Variants in FHL2 observed in about 807,000 individuals in gnomAD.
FHL2 encodes the protein four and a half LIM domains 2, also known as four and a half LIM domains protein 2.
A neutral mutation model predicts 32.7 loss-of-function variants in FHL2; 20 were observed. The ratio of observed to expected loss-of-function variants is 0.61; its 90% confidence interval spans 0.43 to 0.89. The LOEUF is 0.89. Among genes scored for constraint, FHL2 ranks in the 40% least tolerant of loss-of-function variants. FHL2 has a pLI of 0.00. For synonymous variants in FHL2, 123 were observed against 128.1 expected (o/e 0.96, Z 0.27); for missense variants, 311 against 358.6 (o/e 0.87, Z 1.07).
At chr2:105,433,982 A>G (rs751169493) in intron 1 of FHL2, among the ~76,000 whole-genome samples, 67 of 152,056 alleles carry the variant, frequency 4.4e-4, no homozygotes, top group Non-Finnish European at 7.1e-4. Flanking sequence ...CCCTCAACAC[A>G]TTTAGCATAT....
chr2:105,410,456 T>G (rs943054939), intron 1 of FHL2, among the ~76,000 whole-genome samples: 8 of 152,184 alleles, frequency 5.3e-5, no homozygotes, highest in Non-Finnish European at 1.0e-4. Flanking sequence ...TCAGGGGCCA[T>G]GACCCATTTT....
chr2:105,364,416 CTTGGAAGTT>C lies in FHL2; in HGVS notation c.502-954_502-946del, dbSNP rs540521939. Among the ~76,000 whole-genome samples the C allele has an allele frequency of 3.9e-4, 59 of 152,298 alleles. 1 individual carries two copies. Among genetic ancestry groups the C allele is most frequent in the African/African-American group, 1.3e-3 (55 of 41,564 alleles). The stretch of plus-strand genomic sequence containing the variant: ...TGATGCCACAAGAAGAGATGGGCAT[CTTGGAAGTT>C]TTGGGAAAAATAAGCTGGATGCCTT... On this transcript the variant is annotated intron_variant, in intron 5 of 6. Coordinates refer to ENST00000530340, the MANE Select transcript of FHL2 (RefSeq NM_001318895.3).
intron 1 of FHL2, among the ~76,000 whole-genome samples, chr2:105,437,193 T>C (rs951165179): frequency 6.6e-6 from 1 of 152,204 alleles, no homozygotes; most frequent in Non-Finnish European, 1.5e-5. Context: ...TTTTTTAATA[T>C]AAGAAAATGC....
intron 1 of FHL2, among the ~76,000 whole-genome samples, chr2:105,411,821 C>CA (rs560249519): frequency 0.012 from 1,712 of 141,252 alleles, 10 homozygotes; most frequent in Middle Eastern, 0.043. Flanking sequence ...GACTCCATCT[C>CA]AAAAAAAAAA....
chr2:105,367,829 AG>A (rs1680745840), intron 4 of FHL2, 90 bp from the exon 5 acceptor site: 1 of 1,364,872 alleles, frequency 7.3e-7, no homozygotes, highest in Admixed American at 2.2e-5. Context: ...GCTGCCCTCT[AG>A]TTTTATGACC....
intron 1 of FHL2, among the ~76,000 whole-genome samples, chr2:105,424,999 AC>A (rs112867367): frequency 3.3e-5 from 5 of 151,972 alleles, no homozygotes; most frequent in African/African-American, 1.2e-4. Flanking sequence ...CCGTACATGT[AC>A]CCCAGAACTT....
chr2:105,362,588 A>G (rs1008877141), intron 6 of FHL2, among the ~76,000 whole-genome samples: 12 of 152,224 alleles, frequency 7.9e-5, no homozygotes, highest in Non-Finnish European at 1.5e-4. Flanking sequence ...ATCCCACATC[A>G]TAAAACTTCT....
At chr2:105,383,104 T>C (rs1043129295) in intron 3 of FHL2, among the ~76,000 whole-genome samples, 1 of 152,226 alleles carries the variant, frequency 6.6e-6, no homozygotes, top group Non-Finnish European at 1.5e-5. Context: ...CAGGCTGGTC[T>C]CCAGCTCCTG....
At chr2:105,362,219 A>T (rs2576747) in intron 6 of FHL2, among the ~76,000 whole-genome samples, 69,375 of 152,104 alleles carry the variant, frequency 0.46, 16,712 homozygotes, top group Non-Finnish European at 0.54. Flanking sequence ...TCCCCCTAAA[A>T]GATTCCAAGG....
chr2:105,370,190 T>G (rs1680932934), intron 4 of FHL2, among the ~76,000 whole-genome samples: 1 of 151,798 alleles, frequency 6.6e-6, no homozygotes, highest in Admixed American at 6.6e-5. Flanking sequence ...CTGGGCAACA[T>G]AGAGAGTCCC....
downstream of FHL2, chr2:105,360,210 G>A (rs373510238): frequency 6.6e-6 from 1 of 151,176 alleles, no homozygotes; most frequent in African/African-American, 2.4e-5. Flanking sequence ...CTGAGGGCAG[G>A]AGAATCGCTT....
chr2:105,386,291 G>C (rs1411030635), intron 3 of FHL2, 70 bp downstream of exon 3: 1 of 1,556,088 alleles, frequency 6.4e-7, no homozygotes, highest in Non-Finnish European at 8.8e-7. Context: ...CAGGGCTTCA[G>C]CACAAACCAC....
chr2:105,397,890 T>TTTTTTTTTTG (rs1558716966), intron 1 of FHL2, among the ~76,000 whole-genome samples: 1 of 148,226 alleles, frequency 6.7e-6, no homozygotes, highest in Non-Finnish European at 1.5e-5. Flanking sequence ...TGTTTTTTGT[T>TTTTTTTTTTG]TTTTTTTGTC....
chr2:105,380,591 T>C (rs1160718936), intron 3 of FHL2, among the ~76,000 whole-genome samples: 1 of 152,182 alleles, frequency 6.6e-6, no homozygotes, highest in Non-Finnish European at 1.5e-5. Context: ...ATTAGCACCA[T>C]GCCGGTAGCT....
At chr2:105,363,535 T>C in intron 5 of FHL2, 64 bp from the exon 6 acceptor site, 9 of 1,429,908 alleles carry the variant, frequency 6.3e-6, no homozygotes, top group Non-Finnish European at 7.6e-6. Context: ...CAGTCTCAGC[T>C]ACTGCCACTG....
chr2:105,419,950 GA>G (rs1401447200), intron 1 of FHL2, among the ~76,000 whole-genome samples: 6 of 152,144 alleles, frequency 3.9e-5, no homozygotes, highest in Non-Finnish European at 8.8e-5. Context: ...GTCATTAAGG[GA>G]AAGTGTTCAG....
At chr2:105,413,223 C>A (rs568301466) in intron 1 of FHL2, among the ~76,000 whole-genome samples, 2 of 152,300 alleles carry the variant, frequency 1.3e-5, no homozygotes, top group Non-Finnish European at 2.9e-5. Flanking sequence ...ATAGTCAAAA[C>A]AGAAAGGCAA....
intron 3 of FHL2, among the ~76,000 whole-genome samples, chr2:105,381,164 G>A (rs1412051592): frequency 1.3e-5 from 2 of 152,070 alleles, no homozygotes; most frequent in African/African-American, 4.8e-5. Context: ...AGATCCATAC[G>A]ATTTCACTTC....
intron 1 of FHL2, among the ~76,000 whole-genome samples, chr2:105,397,516 G>A (rs1007351791): frequency 2.0e-5 from 3 of 152,110 alleles, no homozygotes; most frequent in South Asian, 2.1e-4. Flanking sequence ...TGCAGTCCCC[G>A]GCATCCCCTA....
Sources: gnomAD v4.1 joint callset for allele counts (sites outside exome capture counted in the v4.1 genomes callset) on GRCh38, gnomAD v4.1.1 for gene constraint, MANE v1.5 for transcripts, NCBI Gene and HGNC (gene_info 2026-07-23, HGNC 2026-07-21) for gene names.